KCNJ12: variants seen among roughly 807,000 people sequenced by gnomAD.
KCNJ12 encodes potassium inwardly rectifying channel subfamily J member 12, also known as ATP-sensitive inward rectifier potassium channel 12.
A neutral mutation model predicts 22.3 loss-of-function variants in KCNJ12; 2 were observed. The observed-to-expected ratio is 0.09, with a 90% confidence interval of 0.04 to 0.28. The LOEUF is 0.28. Among genes scored for constraint, KCNJ12 ranks in the 10% least tolerant of loss-of-function variants. The probability of loss-of-function intolerance (pLI) is 1.00; values close to 1 mark genes in which losing one functional copy is unlikely to be tolerated. For synonymous variants in KCNJ12, 117 were observed against 261.4 expected (o/e 0.45, Z 5.33); for missense variants, 155 against 633.3 (o/e 0.24, Z 8.11).
intron 1 of KCNJ12, among the ~76,000 whole-genome samples, 188 bp from the exon 2 acceptor site, chr17:21,408,331 T>G (rs1906106157): frequency 6.6e-6 from 1 of 152,246 alleles, no homozygotes; most frequent in Non-Finnish European, 1.5e-5. Context: ...TCTTCTCTGG[T>G]TCTGGATGGT....
chr17:21,413,123 G>A, intron 2 of KCNJ12, among the ~76,000 whole-genome samples: 2 of 133,616 alleles, frequency 1.5e-5, no homozygotes, highest in Non-Finnish European at 3.5e-5. Context: ...TTGCTCAGGT[G>A]TTTGGAGCAG....
At chr17:21,387,543 A>C (rs1905108955) in intron 1 of KCNJ12, among the ~76,000 whole-genome samples, 1 of 151,750 alleles carries the variant, frequency 6.6e-6, no homozygotes, top group Non-Finnish European at 1.5e-5. Flanking sequence ...AGCTACCAGC[A>C]GTGCATCCTC....
At chr17:21,391,323 G>A (rs1264029446) in intron 1 of KCNJ12, among the ~76,000 whole-genome samples, 2 of 152,128 alleles carry the variant, frequency 1.3e-5, no homozygotes, top group African/African-American at 2.4e-5. Flanking sequence ...CTGGGCCTGC[G>A]GCAGCCCCGC....
chr17:21,400,940 A>G (rs1330217602), intron 1 of KCNJ12, among the ~76,000 whole-genome samples: 15 of 152,390 alleles, frequency 9.8e-5, no homozygotes, highest in African/African-American at 3.4e-4. Context: ...AGAGCTGTGC[A>G]GCTCCAGCGG....
intron 2 of KCNJ12, among the ~76,000 whole-genome samples, chr17:21,414,789 T>G (rs1906595282): frequency 6.6e-6 from 1 of 152,430 alleles, no homozygotes; most frequent in African/African-American, 2.4e-5. Context: ...TGGAGGAGGC[T>G]GGGAGGTGAG....
chr17:21,407,027 A>C (rs1197596281), intron 1 of KCNJ12, among the ~76,000 whole-genome samples: 3 of 152,288 alleles, frequency 2.0e-5, no homozygotes, highest in African/African-American at 7.2e-5. Flanking sequence ...TGTGTACCCA[A>C]GGCAAATCTC....
At chr17:21,384,598 G>A (rs908917676) in intron 1 of KCNJ12, among the ~76,000 whole-genome samples, 3 of 152,086 alleles carry the variant, frequency 2.0e-5, no homozygotes, top group Admixed American at 6.5e-5. Flanking sequence ...GGAGCTCGGA[G>A]GGGAGGCGCT....
chr17:21,407,734 A>T (rs1906048183), intron 1 of KCNJ12, among the ~76,000 whole-genome samples: 1 of 148,490 alleles, frequency 6.7e-6, no homozygotes, highest in African/African-American at 2.5e-5. Flanking sequence ...CATCTATCCA[A>T]CCATCCATCC....
chr17:21,396,618 G>GTTGATGGGGAGGGCCGTC (rs1905375159), intron 1 of KCNJ12, among the ~76,000 whole-genome samples: 1 of 152,076 alleles, frequency 6.6e-6, no homozygotes, highest in Non-Finnish European at 1.5e-5. Flanking sequence ...TCAGCCCCGT[G>GTTGATGGGGAGGGCCGTC]TTGATGGGGA....
At chr17:21,412,449 C>T (rs1657729) in intron 2 of KCNJ12, among the ~76,000 whole-genome samples, 33 of 152,362 alleles carry the variant, frequency 2.2e-4, no homozygotes, top group African/African-American at 6.5e-4. Context: ...TTGAGCTGCT[C>T]GGAGCAGGGG....
chr17:21,379,052 A>G (rs1555557613), intron 1 of KCNJ12, among the ~76,000 whole-genome samples: 3 of 152,184 alleles, frequency 2.0e-5, no homozygotes, highest in Non-Finnish European at 2.9e-5. Context: ...CCCCAGGGCC[A>G]TGGTGTCCCC....
At chr17:21,389,373 G>A (rs558502514) in intron 1 of KCNJ12, among the ~76,000 whole-genome samples, 107 of 152,304 alleles carry the variant, frequency 7.0e-4, no homozygotes, top group African/African-American at 2.5e-3. Flanking sequence ...CTCAGGGTGA[G>A]GCCTGCCCCT....
intron 1 of KCNJ12, among the ~76,000 whole-genome samples, chr17:21,389,712 CGTG>C (rs1905162470): frequency 6.6e-6 from 1 of 151,944 alleles, no homozygotes; most frequent in African/African-American, 2.4e-5. Flanking sequence ...CCTGGCCCCA[CGTG>C]GGGGTTGGGG....
rs371822838 is a variant in KCNJ12 at position 21,415,387 on chromosome 17, G to A, written c.45G>A (p.Ser15=). ...SRANPYSIVS[S]EEDGLHLVTM... ...CCAACCCCTACAGCATCGTGTCATC[G>A]GAGGAGGACGGGCTGCACCTGGTCA... Residue 15 remains serine, a synonymous_variant, in exon 3 of 3, where the codon TCG becomes TCA. Coordinates refer to ENST00000583088, the MANE Select transcript of KCNJ12 (RefSeq NM_021012.5). 132 of 1,612,664 alleles carry A rather than the reference G, an allele frequency of 8.2e-5. No homozygotes were observed. The highest frequency in any genetic ancestry group is 6.9e-4 in the African/African-American group (52 of 75,006).
intron 1 of KCNJ12, among the ~76,000 whole-genome samples, chr17:21,406,182 C>G (rs1905921269): frequency 6.6e-6 from 1 of 152,302 alleles, no homozygotes; most frequent in South Asian, 2.1e-4. Flanking sequence ...TAGCTTCTCT[C>G]AGCCTCAGTT....
chr17:21,385,355 G>A (rs1253262977), intron 1 of KCNJ12, among the ~76,000 whole-genome samples: 9 of 152,202 alleles, frequency 5.9e-5, no homozygotes, highest in East Asian at 3.9e-4. Context: ...GTCCATTCTC[G>A]TGTCTGGGCA....
intron 1 of KCNJ12, among the ~76,000 whole-genome samples, chr17:21,406,085 C>T (rs1388235819): frequency 6.6e-6 from 1 of 152,294 alleles, no homozygotes; most frequent in African/African-American, 2.4e-5. Flanking sequence ...TTCTGGCCCC[C>T]ACCCCTGCTT....
Position 21,415,171 on chromosome 17 carries a change from G to A in KCNJ12, c.-56-116G>A, listed in dbSNP as rs1249565418. ...GCTGGCTTGGGCAAGACCAGAGCACGATCGTGGGTCAATCAGGGTGGAAGC... is the reference window on the plus strand; with the variant it reads ...GCTGGCTTGGGCAAGACCAGAGCACAATCGTGGGTCAATCAGGGTGGAAGC... On this transcript the variant is annotated intron_variant, in intron 2 of 2. Coordinates refer to ENST00000583088, the MANE Select transcript of KCNJ12 (RefSeq NM_021012.5). 43 of 1,134,460 alleles carry A rather than the reference G, an allele frequency of 3.8e-5. No individual in the cohort carries two copies. In the South Asian group the frequency reaches 5.2e-4, roughly 14 times the overall value. The allele number at this position is 1,134,460 out of a possible 1,614,324, so 70.3% of individuals were successfully genotyped here. A position where few individuals can be genotyped will look rare whatever the true frequency, so the allele number is the denominator to read the frequency against.
chr17:21,383,653 C>T (rs1555558300), intron 1 of KCNJ12, among the ~76,000 whole-genome samples: 1 of 152,150 alleles, frequency 6.6e-6, no homozygotes, highest in Non-Finnish European at 1.5e-5. Context: ...CCACCCCCAG[C>T]CTGTCCCCTG....
Sources: gnomAD v4.1 joint callset for allele counts (sites outside exome capture counted in the v4.1 genomes callset) on GRCh38, gnomAD v4.1.1 for gene constraint, MANE v1.5 for transcripts, NCBI Gene and HGNC (gene_info 2026-07-23, HGNC 2026-07-21) for gene names.